GRIA2: variants seen among roughly 807,000 people sequenced by gnomAD.
The protein encoded by GRIA2 is glutamate ionotropic receptor AMPA type subunit 2.
A neutral mutation model predicts 97.3 loss-of-function variants in GRIA2; 14 were observed. That is an observed-to-expected ratio of 0.14 (90% CI 0.10 to 0.23). The LOEUF is 0.23. GRIA2 is among the 10% of genes least tolerant of loss of function. GRIA2 has a pLI of 1.00. For missense variants in GRIA2, 558 were observed against 1,069.8 expected (o/e 0.52, Z 6.67); for synonymous variants, 412 against 387.8 (o/e 1.06, Z -0.73).
intron 2 of GRIA2, among the ~76,000 whole-genome samples, chr4:157,288,919 C>A (rs947185877): frequency 6.6e-6 from 1 of 151,688 alleles, no homozygotes; most frequent in East Asian, 1.9e-4. Flanking sequence ...AAACATTGAG[C>A]GGAAACAGAA....
intron 2 of GRIA2, among the ~76,000 whole-genome samples, chr4:157,286,673 T>C (rs1732860287): frequency 1.3e-5 from 2 of 151,546 alleles, no homozygotes; most frequent in Non-Finnish European, 3.0e-5. Flanking sequence ...TAGGTGCAAC[T>C]ATTTCTATTC....
At chr4:157,251,654 C>A (rs1201019937) in intron 2 of GRIA2, among the ~76,000 whole-genome samples, 2 of 152,066 alleles carry the variant, frequency 1.3e-5, no homozygotes, top group Non-Finnish European at 2.9e-5. Context: ...AGATGCATAT[C>A]TTTCTAATAA....
intron 2 of GRIA2, among the ~76,000 whole-genome samples, chr4:157,286,293 T>A (rs1374812017): frequency 6.6e-6 from 1 of 151,524 alleles, no homozygotes; most frequent in Non-Finnish European, 1.5e-5. Context: ...AAAAAACAAT[T>A]TTTCACACAT....
Position 157,360,994 on chromosome 4 carries a change from G to C in GRIA2, c.2292-16G>C, listed in dbSNP as rs752861168. Reference sequence around the variant, plus strand: ...TTTGCTCACCCTGTCTGACAAGTATGTTTTATCGTTTCAAGAAATGCGGTT... The same window carrying C: ...TTTGCTCACCCTGTCTGACAAGTATCTTTTATCGTTTCAAGAAATGCGGTT... On this transcript the variant is annotated splice_polypyrimidine_tract_variant and intron_variant, in intron 13 of 15. Coordinates refer to ENST00000264426, the MANE Select transcript of GRIA2 (RefSeq NM_001083619.3). 5.8e-6 allele frequency: 9 copies of C among 1,560,174 alleles called. No homozygotes were observed. The highest frequency in any genetic ancestry group is 1.1e-5 in the South Asian group (1 of 89,844).
At chr4:157,346,383 C>T (rs4441804) in intron 12 of GRIA2, among the ~76,000 whole-genome samples, 21,677 of 151,998 alleles carry the variant, frequency 0.14, 1,613 homozygotes, top group Non-Finnish European at 0.16. Context: ...TGTCATTCCC[C>T]GTACTTATTT....
intron 2 of GRIA2, among the ~76,000 whole-genome samples, chr4:157,257,672 A>C (rs896426420): frequency 6.6e-6 from 1 of 152,074 alleles, no homozygotes; most frequent in Non-Finnish European, 1.5e-5. Flanking sequence ...TATTAAAAGA[A>C]TTTTTATGGC....
intron 2 of GRIA2, among the ~76,000 whole-genome samples, chr4:157,280,970 T>C (rs1383735023): frequency 2.0e-5 from 3 of 151,966 alleles, no homozygotes; most frequent in Non-Finnish European, 2.9e-5. Context: ...TCTCATTCAA[T>C]TAACAGTCTC....
Position 157,288,209 on chromosome 4 carries a change from A to G in GRIA2, c.230-15343A>G, listed in dbSNP as rs144794350. Among the ~76,000 whole-genome samples, 95 of 151,828 alleles carry G rather than the reference A, an allele frequency of 6.3e-4. 1 individual carries two copies. Among genetic ancestry groups the G allele is most frequent in the African/African-American group, 2.2e-3 (90 of 41,498 alleles). ...TTGTTGAATGGTGCAAGGAGTCACC[A>G]ATAATTGAATCTCTAAATTGAAATG... On this transcript the variant is annotated intron_variant, in intron 2 of 15. Coordinates refer to ENST00000264426, the MANE Select transcript of GRIA2 (RefSeq NM_001083619.3).
At chr4:157,321,702 C>A in intron 6 of GRIA2, 103 bp downstream of exon 6, 1 of 729,592 alleles carries the variant, frequency 1.4e-6, no homozygotes, top group Non-Finnish European at 2.3e-6. Context: ...GAGTAGAGAG[C>A]ACGTTTCAAA....
intron 2 of GRIA2, among the ~76,000 whole-genome samples, chr4:157,256,217 A>G (rs1731248821): frequency 8.2e-6 from 1 of 121,722 alleles, no homozygotes; most frequent in Non-Finnish European, 1.7e-5. Context: ...TATGTTATAT[A>G]TAATATATAA....
chr4:157,234,879 C>T (rs941396210), intron 2 of GRIA2, among the ~76,000 whole-genome samples: 4 of 151,950 alleles, frequency 2.6e-5, no homozygotes, highest in South Asian at 2.1e-4. Flanking sequence ...TGCAGTTGTG[C>T]GGGGTGGTTG....
At chr4:157,302,993 C>T (rs1048209504) in intron 2 of GRIA2, among the ~76,000 whole-genome samples, 4 of 152,040 alleles carry the variant, frequency 2.6e-5, no homozygotes, top group African/African-American at 9.7e-5. Context: ...AATTGCTTCT[C>T]GACTGAGTGA....
At chr4:157,328,607 T>C (rs1734911907) in intron 6 of GRIA2, among the ~76,000 whole-genome samples, 2 of 152,072 alleles carry the variant, frequency 1.3e-5, no homozygotes, top group African/African-American at 4.8e-5. Context: ...TCTTTACCTA[T>C]GGCTGAATCA....
At chr4:157,238,723 T>C (rs2126710727) in intron 2 of GRIA2, among the ~76,000 whole-genome samples, 1 of 152,250 alleles carries the variant, frequency 6.6e-6, no homozygotes, top group South Asian at 2.1e-4. Context: ...TGAAGTATAA[T>C]TACTGGATTA....
chr4:157,254,196 G>C (rs1389942658), intron 2 of GRIA2, among the ~76,000 whole-genome samples: 1 of 151,866 alleles, frequency 6.6e-6, no homozygotes, highest in Non-Finnish European at 1.5e-5. Context: ...CCAATGATTT[G>C]AAAACAATTA....
Position 157,361,803 on chromosome 4 carries a change from T to C in GRIA2, c.2406+679T>C, listed in dbSNP as rs1377191625. On this transcript the variant is annotated intron_variant, in intron 14 of 15. Transcript: ENST00000264426. The surrounding 1 kb of genome is among the most constrained non-coding windows in gnomAD (Gnocchi z 5.2). ...ATAATTTGGTAAGATGTTTTGGTAA[T>C]GCCTGCAGAGTTACTGATTTGTTGT... The C allele has an allele frequency of 1.7e-6, 1 of 605,518 alleles. No homozygotes were observed. Among genetic ancestry groups the C allele is most frequent in the East Asian group, 2.8e-5 (1 of 35,384 alleles). 37.5% of individuals were successfully genotyped at this position (605,518 alleles called of 1,614,324 possible). A position where few individuals can be genotyped will look rare whatever the true frequency, so the allele number is the denominator to read the frequency against.
At chr4:157,284,595 T>G (rs1333619803) in intron 2 of GRIA2, among the ~76,000 whole-genome samples, 1 of 151,720 alleles carries the variant, frequency 6.6e-6, no homozygotes, top group Non-Finnish European at 1.5e-5. Context: ...ATGCCCTCCA[T>G]GTAACTCATA....
Position 157,282,195 on chromosome 4 carries a change from G to A in GRIA2, c.230-21357G>A, listed in dbSNP as rs74333866. 4.0e-3 allele frequency among the ~76,000 whole-genome samples: 613 copies of A among 152,172 alleles called. 5 individuals are homozygous for A. The highest frequency in any genetic ancestry group is 0.027 in the Middle Eastern group (8 of 294). Reference sequence around the variant, plus strand: ...TTTTTTATCCTCTGTCCATTGTGCGGTCCCAAAGTCAGTACCACATGGTTA... The same window carrying A: ...TTTTTTATCCTCTGTCCATTGTGCGATCCCAAAGTCAGTACCACATGGTTA... On this transcript the variant is annotated intron_variant, in intron 2 of 15. Coordinates refer to ENST00000264426, the MANE Select transcript of GRIA2 (RefSeq NM_001083619.3).
chr4:157,318,025 A>T (rs1054238122), intron 5 of GRIA2, among the ~76,000 whole-genome samples: 1 of 152,172 alleles, frequency 6.6e-6, no homozygotes, highest in Non-Finnish European at 1.5e-5. Context: ...TATATTAGAT[A>T]TATTGCTGCA....
Sources: gnomAD v4.1 joint callset for allele counts (sites outside exome capture counted in the v4.1 genomes callset) on GRCh38, gnomAD v4.1.1 for gene constraint, Gnocchi (gnomAD v3.1) non-coding constraint, MANE v1.5 for transcripts, NCBI Gene and HGNC (gene_info 2026-07-23, HGNC 2026-07-21) for gene names.